The following TEC variants were observed in gnomAD, a reference collection of about 807,000 sequenced individuals.
TEC encodes tec protein tyrosine kinase, also known as tyrosine-protein kinase Tec.
Under a neutral mutation model 93.0 loss-of-function variants are expected in TEC, and 72 were observed. The observed-to-expected ratio is 0.77, with a 90% CI of 0.64 to 0.94. TEC has a LOEUF of 0.94. Among genes scored for constraint, TEC ranks in the 40% least tolerant of loss-of-function variants. The probability of loss-of-function intolerance (pLI) is 0.00; values close to 1 mark genes in which losing one functional copy is unlikely to be tolerated. For synonymous variants in TEC, 249 were observed against 247.7 expected (o/e 1.01, Z -0.05); for missense variants, 630 against 757.9 (o/e 0.83, Z 1.98).
chr4:48,186,201 TC>T (rs1721835304), intron 2 of TEC, among the ~76,000 whole-genome samples: 1 of 152,180 alleles, frequency 6.6e-6, no homozygotes, highest in South Asian at 2.1e-4. Context: ...TGATCTCGGC[TC>T]GTTACAACCT....
chr4:48,212,384 C>T (rs1722942680), intron 2 of TEC, among the ~76,000 whole-genome samples: 1 of 152,036 alleles, frequency 6.6e-6, no homozygotes, highest in African/African-American at 2.4e-5. Flanking sequence ...GGAAGTCCCC[C>T]TTTGTGGGAA....
At chr4:48,252,299 GTGGTGC>G (rs1197198920) in intron 1 of TEC, among the ~76,000 whole-genome samples, 3 of 152,230 alleles carry the variant, frequency 2.0e-5, no homozygotes, top group Non-Finnish European at 4.4e-5. Flanking sequence ...GGTAGTGGTG[GTGGTGC>G]TGCTGATCCT....
At chr4:48,174,463 A>AGC (rs1721241083) in intron 3 of TEC, among the ~76,000 whole-genome samples, 1 of 152,176 alleles carries the variant, frequency 6.6e-6, no homozygotes, top group Non-Finnish European at 1.5e-5. Flanking sequence ...GTTCGAGACC[A>AGC]GCCTGGCCAA....
chr4:48,171,291 G>A, intron 4 of TEC, 77 bp downstream of exon 4: 2 of 1,138,772 alleles, frequency 1.8e-6, no homozygotes, highest in South Asian at 3.1e-5. Context: ...AGATACATTA[G>A]CTGTATTTCT....
intron 2 of TEC, 65 bp downstream of exon 2, chr4:48,228,412 C>A: frequency 6.9e-7 from 1 of 1,451,110 alleles, no homozygotes; most frequent in Admixed American, 2.5e-5. Flanking sequence ...ATTGGAGAGG[C>A]AGGCAATATT....
intron 2 of TEC, among the ~76,000 whole-genome samples, chr4:48,205,129 A>G (rs977907395): frequency 1.3e-5 from 2 of 152,272 alleles, no homozygotes; most frequent in African/African-American, 4.8e-5. Flanking sequence ...AACTTGCCTC[A>G]GAAGACTGTG....
rs1646546136 is a variant in TEC at position 48,137,311 on chromosome 4, A to G, written c.*105T>C. 7.0e-6 allele frequency: 6 copies of G among 857,454 alleles called. No homozygotes were observed. The South Asian group carries it at 8.1e-5, about 12-fold the overall frequency. 53.1% of individuals were successfully genotyped at this position (857,454 alleles called of 1,614,324 possible). The stretch of plus-strand genomic sequence containing the variant: ...CAAATTATTTATGTGTTTCCACTGT[A>G]TAAGTAAAATGATCTACATGTCCAA... On this transcript the variant is annotated 3_prime_UTR_variant, in exon 18 of 18. Coordinates refer to ENST00000381501, the MANE Select transcript of TEC (RefSeq NM_003215.3).
intron 9 of TEC, among the ~76,000 whole-genome samples, chr4:48,155,401 T>C (rs534365969): frequency 1.3e-5 from 2 of 152,196 alleles, no homozygotes; most frequent in South Asian, 4.1e-4. Flanking sequence ...GTTGAGTGTT[T>C]AGTAGGTCTT....
Position 48,210,369 on chromosome 4 carries a change from C to T in TEC, c.138+18108G>A, listed in dbSNP as rs531346871. On this transcript the variant is annotated intron_variant, in intron 2 of 17. Coordinates refer to ENST00000381501, the MANE Select transcript of TEC (RefSeq NM_003215.3). ...GGAATAGTGGCACGTGCCTGTCATC[C>T]TGGTCCTTAGGAGGCCAAGGTGGGA... Among the ~76,000 whole-genome samples the T allele has an allele frequency of 5.9e-5, 9 of 152,104 alleles. No homozygotes were observed. In the South Asian group the frequency reaches 1.9e-3, roughly 32 times the overall value.
chr4:48,150,837 TA>T (rs200628097), intron 10 of TEC, 25 bp downstream of exon 10: 627 of 1,436,752 alleles, frequency 4.4e-4, no homozygotes, highest in South Asian at 8.9e-4. Context: ...CTCTAAATTA[TA>T]AAAAAAAATG....
chr4:48,151,525 TG>T (rs1420515787), intron 9 of TEC, among the ~76,000 whole-genome samples: 2 of 152,196 alleles, frequency 1.3e-5, no homozygotes, highest in African/African-American at 4.8e-5. Context: ...CTCACATTAT[TG>T]CACAGGCTGG....
At chr4:48,254,803 G>A (rs1724297566) in intron 1 of TEC, among the ~76,000 whole-genome samples, 1 of 152,226 alleles carries the variant, frequency 6.6e-6, no homozygotes, top group African/African-American at 2.4e-5. Context: ...CTATGCCATA[G>A]GGCAGGATGG....
intron 1 of TEC, among the ~76,000 whole-genome samples, chr4:48,248,087 A>G (rs1724107413): frequency 6.6e-6 from 1 of 152,220 alleles, no homozygotes; most frequent in Non-Finnish European, 1.5e-5. Context: ...CACAGGTCAC[A>G]CTGCAGACTG....
chr4:48,229,009 T>C (rs1314008290), intron 1 of TEC, among the ~76,000 whole-genome samples: 1 of 152,230 alleles, frequency 6.6e-6, no homozygotes, highest in Non-Finnish European at 1.5e-5. Context: ...TTTCGTCACC[T>C]GTGTGGCTGA....
At position 48,256,243 on chromosome 4, in the gene TEC, G is replaced by C. The variant is rs191848072; in HGVS notation, c.-46+13509C>G. Among the ~76,000 whole-genome samples, 4 of 152,112 alleles carry C rather than the reference G, an allele frequency of 2.6e-5. No individual in the cohort carries two copies. The East Asian group carries it at 5.8e-4, about 22-fold the overall frequency. On this transcript the variant is annotated intron_variant, in intron 1 of 17. Coordinates refer to ENST00000381501, the MANE Select transcript of TEC (RefSeq NM_003215.3). ...GCCATGGGACCAACTACCAGAATGC[G>C]AGGAAGAGACAGAAGGGCTACAATC...
At chr4:48,174,411 T>C (rs6851861) in intron 3 of TEC, among the ~76,000 whole-genome samples, 57,635 of 151,932 alleles carry the variant, frequency 0.38, 11,948 homozygotes, top group East Asian at 0.9. Context: ...GTAATCTCAG[T>C]ACTTTGGGAG....
At chr4:48,267,410 G>A (rs1724667074) in intron 1 of TEC, among the ~76,000 whole-genome samples, 1 of 152,192 alleles carries the variant, frequency 6.6e-6, no homozygotes. Flanking sequence ...CCAAGCACAG[G>A]CGTGTTTGGA....
At chr4:48,176,507 G>A (rs1444724950) in intron 2 of TEC, among the ~76,000 whole-genome samples, 1 of 152,094 alleles carries the variant, frequency 6.6e-6, no homozygotes, top group Non-Finnish European at 1.5e-5. Context: ...GATTACTTGA[G>A]GCCAGCAGTT....
chr4:48,225,292 A>T (rs564856043), intron 2 of TEC, among the ~76,000 whole-genome samples: 1 of 151,982 alleles, frequency 6.6e-6, no homozygotes, highest in Non-Finnish European at 1.5e-5. Context: ...CTCTTGCCTC[A>T]GCCTCCTGAG....
Sources: gnomAD v4.1 joint callset for allele counts (sites outside exome capture counted in the v4.1 genomes callset) on GRCh38, gnomAD v4.1.1 for gene constraint, MANE v1.5 for transcripts, NCBI Gene and HGNC (gene_info 2026-07-23, HGNC 2026-07-21) for gene names.